FHIT: variants seen among roughly 807,000 people sequenced by gnomAD.
The protein encoded by FHIT is bis(5'-adenosyl)-triphosphatase.
A neutral mutation model predicts 17.9 loss-of-function variants in FHIT; 19 were observed. That is an observed-to-expected ratio of 1.06 (90% CI 0.74 to 1.56). The LOEUF is 1.56. Among genes scored for constraint, FHIT ranks in the 40% most tolerant of loss-of-function variants. FHIT has a pLI of 0.00. For synonymous variants in FHIT, 81 were observed against 69.7 expected, an observed-to-expected ratio of 1.16 and a Z score of -0.81; for missense variants, 248 against 189.2, an observed-to-expected ratio of 1.31 and a Z score of -1.82.
At position 60,373,231 on chromosome 3, in the gene FHIT, G is replaced by A. The variant is rs79332957; in HGVS notation, c.103+163629C>T. Among the ~76,000 whole-genome samples, 1,257 of 152,226 alleles carry A rather than the reference G, an allele frequency of 8.3e-3. 20 individuals are homozygous for A. The highest frequency in any genetic ancestry group is 0.029 in the African/African-American group (1,203 of 41,518). On this transcript the variant is annotated intron_variant, in intron 5 of 9. Coordinates refer to ENST00000492590, the MANE Select transcript of FHIT (RefSeq NM_002012.4). ...ATAAATGTCATGGGAGAGATGATAG[G>A]GCTGATACAGCCCAGTCCTTGGGTG...
Position 60,138,917 on chromosome 3 carries a change from A to T in FHIT, c.104-124765T>A, listed in dbSNP as rs562719558. Among the ~76,000 whole-genome samples, 14 of 152,246 alleles carry T rather than the reference A, an allele frequency of 9.2e-5. 1 individual carries two copies. The South Asian group carries it at 2.9e-3, about 32-fold the overall frequency. On this transcript the variant is annotated intron_variant, in intron 5 of 9. Transcript: ENST00000492590. ...TGTCACCAACACAGCCTTTGACTTTATAGGAAAGCCACACTAGCAACAAAA... is the reference window on the plus strand; with the variant it reads ...TGTCACCAACACAGCCTTTGACTTTTTAGGAAAGCCACACTAGCAACAAAA...
At chr3:60,605,254 C>G (rs1289569061) in intron 4 of FHIT, among the ~76,000 whole-genome samples, 1 of 152,100 alleles carries the variant, frequency 6.6e-6, no homozygotes, top group African/African-American at 2.4e-5. Context: ...GGTGTAATCC[C>G]TTCAAATCAC....
At chr3:60,325,783 C>G (rs1709664113) in intron 5 of FHIT, among the ~76,000 whole-genome samples, 1 of 152,192 alleles carries the variant, frequency 6.6e-6, no homozygotes, top group South Asian at 2.1e-4. Flanking sequence ...GCCAGCAGGG[C>G]ATTTACTGTA....
chr3:60,703,846 T>C (rs1041785664), intron 4 of FHIT, among the ~76,000 whole-genome samples: 3 of 152,186 alleles, frequency 2.0e-5, no homozygotes, highest in African/African-American at 7.2e-5. Flanking sequence ...GTGGTACATG[T>C]TTAATAATTT....
intron 3 of FHIT, among the ~76,000 whole-genome samples, chr3:60,864,229 T>A (rs1704056194): frequency 6.6e-6 from 1 of 152,130 alleles, no homozygotes; most frequent in African/African-American, 2.4e-5. Flanking sequence ...GTAGGTACAA[T>A]TCAAGATGAG....
intron 3 of FHIT, among the ~76,000 whole-genome samples, chr3:60,826,338 T>C (rs1221486196): frequency 6.7e-6 from 1 of 149,488 alleles, no homozygotes; most frequent in African/African-American, 2.5e-5. Flanking sequence ...TGTTTTGTTT[T>C]GTTTTGAGAT....
At chr3:60,590,956 G>A (rs141477893) in intron 4 of FHIT, among the ~76,000 whole-genome samples, 3 of 152,100 alleles carry the variant, frequency 2.0e-5, no homozygotes, top group East Asian at 3.9e-4. Flanking sequence ...ATCCAGGGGG[G>A]AAAAATGGAC....
intron 5 of FHIT, among the ~76,000 whole-genome samples, chr3:60,468,593 C>T (rs1379260797): frequency 6.6e-6 from 1 of 151,996 alleles, no homozygotes; most frequent in African/African-American, 2.4e-5. Flanking sequence ...TTTCATACCC[C>T]TGCTTTTTAA....
chr3:60,084,403 G>A (rs376609108), intron 5 of FHIT, among the ~76,000 whole-genome samples: 78 of 152,186 alleles, frequency 5.1e-4, no homozygotes, highest in African/African-American at 1.8e-3. Flanking sequence ...TCACTCATTC[G>A]TTCACTCTAC....
chr3:61,084,401 C>G (rs2035242837), intron 2 of FHIT, among the ~76,000 whole-genome samples: 1 of 152,174 alleles, frequency 6.6e-6, no homozygotes, highest in African/African-American at 2.4e-5. Context: ...AATTATCTTG[C>G]CTATTCTTTG....
intron 2 of FHIT, among the ~76,000 whole-genome samples, chr3:61,132,306 T>C (rs1291066151): frequency 6.6e-6 from 1 of 152,212 alleles, no homozygotes; most frequent in East Asian, 1.9e-4. Flanking sequence ...GCTGTTCTGT[T>C]TCAGTTCCCC....
At chr3:60,910,410 CTT>C (rs539012384) in intron 3 of FHIT, among the ~76,000 whole-genome samples, 15 of 138,070 alleles carry the variant, frequency 1.1e-4, no homozygotes, top group African/African-American at 1.6e-4. Context: ...GTCTTTCTCT[CTT>C]TTTTTTTTTT....
chr3:61,146,917 T>C (rs992804163), intron 2 of FHIT, among the ~76,000 whole-genome samples: 1 of 152,066 alleles, frequency 6.6e-6, no homozygotes, highest in African/African-American at 2.4e-5. Context: ...TGAGCATCAT[T>C]AATATTGCCC....
chr3:59,891,402 GAGA>G lies in FHIT; in HGVS notation c.348+30941_348+30943del, dbSNP rs200521944. ...ACAGGCTGCTAAGCGGGGCTCCAGT[GAGA>G]AGAATTCCCATTGCTGGGTAGAAGA... On this transcript the variant is annotated intron_variant, in intron 8 of 9. Transcript: ENST00000492590. 1.4e-4 allele frequency among the ~76,000 whole-genome samples: 21 copies of G among 152,358 alleles called. No homozygotes were observed. In the East Asian group the frequency reaches 3.1e-3, roughly 22 times the overall value.
intron 4 of FHIT, among the ~76,000 whole-genome samples, chr3:60,570,164 T>A (rs1231156263): frequency 1.3e-5 from 2 of 152,128 alleles, no homozygotes; most frequent in Non-Finnish European, 2.9e-5. Context: ...GAAGCCATGC[T>A]GCACTGGAAT....
chr3:60,539,826 G>A (rs370146829), intron 4 of FHIT, among the ~76,000 whole-genome samples: 2 of 152,018 alleles, frequency 1.3e-5, no homozygotes, highest in South Asian at 2.1e-4. Context: ...AGCATTAGGA[G>A]ATATACCTAA....
At chr3:60,475,727 T>C (rs74717143) in intron 5 of FHIT, among the ~76,000 whole-genome samples, 16 of 152,314 alleles carry the variant, frequency 1.1e-4, no homozygotes, top group African/African-American at 3.8e-4. Context: ...AAATACCCAA[T>C]ATCTGAAATG....
intron 5 of FHIT, among the ~76,000 whole-genome samples, chr3:60,524,624 G>T (rs143273219): frequency 6.6e-4 from 100 of 152,314 alleles, no homozygotes; most frequent in African/African-American, 2.4e-3. Context: ...TTGGAGGCCA[G>T]CGTGGCATCC....
intron 8 of FHIT, among the ~76,000 whole-genome samples, chr3:59,810,826 T>G (rs188026494): frequency 8.1e-4 from 124 of 152,342 alleles, no homozygotes; most frequent in African/African-American, 2.9e-3. Flanking sequence ...AATTAGCGCA[T>G]GTAAGCTTTC....
Sources: allele counts gnomAD v4.1 joint callset (sites outside exome capture counted in the v4.1 genomes callset), GRCh38; gene constraint gnomAD v4.1.1; transcripts MANE v1.5; gene names NCBI Gene and HGNC (gene_info 2026-07-23, HGNC 2026-07-21).